CFAP95: variants seen among roughly 807,000 people sequenced by gnomAD.
CFAP95 encodes cilia- and flagella-associated protein 95.
At chr9:69,903,319 A>T in the CFAP95 span, among the ~76,000 whole-genome samples, 1 of 152,238 alleles carries the variant, frequency 6.6e-6, no homozygotes. Flanking sequence ...CCTAACACTG[A>T]ACCTATTACT....
chr9:69,821,078 G>C, the CFAP95 span: 6 of 1,598,246 alleles, frequency 3.8e-6, no homozygotes, highest in Non-Finnish European at 4.3e-6. Context: ...GGGGAGGAAA[G>C]AGAGGGGAAA....
chr9:69,890,306 T>C, the CFAP95 span, among the ~76,000 whole-genome samples: 1 of 152,244 alleles, frequency 6.6e-6, no homozygotes, highest in Non-Finnish European at 1.5e-5. Context: ...ATATTTCTCA[T>C]GTTATTTGTT....
the CFAP95 span, among the ~76,000 whole-genome samples, chr9:69,900,722 C>A: frequency 1.6e-4 from 25 of 152,318 alleles, no homozygotes; most frequent in Non-Finnish European, 3.2e-4. Context: ...AGGATCTCAT[C>A]CATGCCACAG....
At chr9:69,904,387 C>A in the CFAP95 span, among the ~76,000 whole-genome samples, 7 of 152,182 alleles carry the variant, frequency 4.6e-5, no homozygotes, top group African/African-American at 1.7e-4. Context: ...CTTTTGTTGA[C>A]AAATAATATT....
the CFAP95 span, among the ~76,000 whole-genome samples, chr9:69,899,543 T>C: frequency 6.6e-6 from 1 of 152,238 alleles, no homozygotes; most frequent in Non-Finnish European, 1.5e-5. Context: ...AGAGCTAACA[T>C]AGCAGAACTG....
the CFAP95 span, among the ~76,000 whole-genome samples, chr9:69,881,933 A>T: frequency 8.1e-5 from 12 of 148,538 alleles, no homozygotes; most frequent in African/African-American, 3.0e-4. Flanking sequence ...CGTAAATGGG[A>T]TTAGGTTTTT....
the CFAP95 span, among the ~76,000 whole-genome samples, chr9:69,832,178 A>C: frequency 6.6e-6 from 1 of 152,196 alleles, no homozygotes; most frequent in Non-Finnish European, 1.5e-5. Flanking sequence ...GTAGGGATGC[A>C]ATAAGGCAAC....
At chr9:69,870,139 C>G in the CFAP95 span, among the ~76,000 whole-genome samples, 2 of 152,066 alleles carry the variant, frequency 1.3e-5, no homozygotes, top group Non-Finnish European at 2.9e-5. Context: ...CTTTTAAAAA[C>G]TATTAGGTCT....
chr9:69,858,600 G>A, the CFAP95 span, among the ~76,000 whole-genome samples: 1 of 152,088 alleles, frequency 6.6e-6, no homozygotes, highest in Admixed American at 6.6e-5. Context: ...TAAATTCAAA[G>A]GTGATAAATC....
At chr9:69,890,753 T>G in the CFAP95 span, among the ~76,000 whole-genome samples, 1 of 152,248 alleles carries the variant, frequency 6.6e-6, no homozygotes, top group African/African-American at 2.4e-5. Flanking sequence ...GTGCATAAAT[T>G]GAGACTTGAT....
At chr9:69,849,287 A>C in the CFAP95 span, among the ~76,000 whole-genome samples, 2 of 152,062 alleles carry the variant, frequency 1.3e-5, no homozygotes, top group Non-Finnish European at 2.9e-5. Context: ...GTATTTGTGG[A>C]AGAAAGGGAA....
the CFAP95 span, chr9:69,856,515 G>A: frequency 2.4e-6 from 3 of 1,268,072 alleles, no homozygotes; most frequent in Admixed American, 4.1e-5. Flanking sequence ...CATTTGTAGT[G>A]AAAATTCATT....
chr9:69,859,012 A>C, the CFAP95 span, among the ~76,000 whole-genome samples: 11 of 152,338 alleles, frequency 7.2e-5, no homozygotes, highest in South Asian at 4.1e-4. Flanking sequence ...TGTGAAGATT[A>C]AGCAAGTTAA....
chr9:69,906,150 A>G, the CFAP95 span: 1 of 1,579,232 alleles, frequency 6.3e-7, no homozygotes, highest in Non-Finnish European at 8.6e-7. Flanking sequence ...TAATGTATAG[A>G]ATCAGCATCT....
chr9:69,904,507 C>G, the CFAP95 span, among the ~76,000 whole-genome samples: 1 of 152,192 alleles, frequency 6.6e-6, no homozygotes, highest in African/African-American at 2.4e-5. Flanking sequence ...CTCCTCTAGT[C>G]TTTAATGCTT....
chr9:69,841,088 C>T, the CFAP95 span, among the ~76,000 whole-genome samples: 3 of 141,896 alleles, frequency 2.1e-5, no homozygotes, highest in East Asian at 6.2e-4. Context: ...TTTCTTGGGC[C>T]CCTTCTTCCA....
the CFAP95 span, among the ~76,000 whole-genome samples, chr9:69,885,631 G>A: frequency 6.6e-6 from 1 of 152,170 alleles, no homozygotes; most frequent in Non-Finnish European, 1.5e-5. Context: ...AGACTTTGGG[G>A]GATGAGTGTG....
At chr9:69,906,169 T>G in the CFAP95 span, 1 of 1,507,108 alleles carries the variant, frequency 6.6e-7, no homozygotes, top group South Asian at 1.3e-5. Flanking sequence ...CTCTGACTAA[T>G]GAAAAATGGA....
chr9:69,845,584 C>T, the CFAP95 span, among the ~76,000 whole-genome samples: 1 of 152,180 alleles, frequency 6.6e-6, no homozygotes, highest in Non-Finnish European at 1.5e-5. Context: ...ATTAGCTTAG[C>T]ATGGCAGTGC....
Sources: gnomAD v4.1 joint callset for allele counts (sites outside exome capture counted in the v4.1 genomes callset) on GRCh38, gnomAD v4.1.1 for gene constraint, MANE v1.5 for transcripts, NCBI Gene and HGNC (gene_info 2026-07-23, HGNC 2026-07-21) for gene names.